OXR1: variants seen among roughly 807,000 people sequenced by gnomAD.
The protein encoded by OXR1 is oxidation resistance protein 1.
In OXR1, 41 loss-of-function variants were observed where a neutral mutation model predicts 104.6. The observed-to-expected ratio is 0.39, with a 90% confidence interval of 0.31 to 0.51. The LOEUF (loss-of-function observed/expected upper bound fraction) is 0.51, where lower values mean the gene tolerates loss of function less well. Among genes scored for constraint, OXR1 ranks in the 20% least tolerant of loss-of-function variants. The pLI, the probability that OXR1 is intolerant of heterozygous loss-of-function variation, is 0.77. For missense variants in OXR1, 955 were observed against 1,031.9 expected (o/e 0.93, Z 1.02); for synonymous variants, 348 against 348.4 (o/e 1.00, Z 0.01).
At position 106,692,863 on chromosome 8, in the gene OXR1, A is replaced by G; in HGVS notation, c.661A>G (p.Ile221Val). ...ATTTCTTAAAATTAATTGCAAATAT[A>G]TTACCAGTGGCAAGGTAAAGAATGA... ...EKFLKINCKYITSGKGTVSGV... is the reference protein window; with the variant it reads ...EKFLKINCKYVTSGKGTVSGV... The change falls in exon 7 of 17, where the codon ATT becomes GTT. Residue 221 changes from isoleucine to valine, a missense_variant. Ile to Val is a conservative substitution (Grantham distance 29). This residue lies in a region of OXR1 where 849 missense variants were observed against 852.9 expected (regional missense o/e 1.00). Transcript: ENST00000517566. 6.2e-7 allele frequency: 1 copy of G among 1,601,802 alleles called. No individual in the cohort carries two copies.
intron 3 of OXR1, among the ~76,000 whole-genome samples, chr8:106,589,693 A>G (rs1296091968): frequency 6.6e-6 from 1 of 151,996 alleles, no homozygotes; most frequent in Non-Finnish European, 1.5e-5. Flanking sequence ...TTTGAGATGG[A>G]GTTTCGCTTG....
intron 7 of OXR1, chr8:106,697,641 A>C: frequency 6.2e-7 from 1 of 1,613,906 alleles, no homozygotes; most frequent in Non-Finnish European, 8.5e-7. Context: ...TCCGCTGCAC[A>C]CAGGCCATGT....
intron 3 of OXR1, among the ~76,000 whole-genome samples, chr8:106,576,794 T>C (rs1817872341): frequency 6.6e-6 from 1 of 152,186 alleles, no homozygotes; most frequent in African/African-American, 2.4e-5. Context: ...ATATTTAGTG[T>C]GCTCATGCTG....
At chr8:106,390,766 C>G (rs1252144309) in intron 2 of OXR1, among the ~76,000 whole-genome samples, 1 of 152,088 alleles carries the variant, frequency 6.6e-6, no homozygotes, top group East Asian at 1.9e-4. Context: ...TTTATAATTT[C>G]TATCCCAGAA....
chr8:106,656,595 T>C (rs1452676953), intron 3 of OXR1, among the ~76,000 whole-genome samples: 1 of 152,164 alleles, frequency 6.6e-6, no homozygotes. Context: ...GGAACAGTTC[T>C]TTCCCAAGCC....
intron 3 of OXR1, among the ~76,000 whole-genome samples, chr8:106,615,442 A>AG (rs1297596696): frequency 6.6e-6 from 1 of 151,706 alleles, no homozygotes; most frequent in Non-Finnish European, 1.5e-5. Context: ...AAAAAAAAAA[A>AG]GAAAAAAAGA....
intron 3 of OXR1, among the ~76,000 whole-genome samples, chr8:106,559,125 T>C (rs1816493234): frequency 6.6e-6 from 1 of 152,214 alleles, no homozygotes; most frequent in Non-Finnish European, 1.5e-5. Flanking sequence ...AAATACCCCA[T>C]TTAATCACTC....
At chr8:106,725,875 T>C (rs1320547544) in intron 11 of OXR1, 1 of 173,930 alleles carries the variant, frequency 5.7e-6, no homozygotes, top group African/African-American at 2.4e-5. Context: ...CTGGAAATTA[T>C]ATTTACTACT....
chr8:106,699,721 T>C (rs1157605400), intron 7 of OXR1, among the ~76,000 whole-genome samples: 3 of 152,256 alleles, frequency 2.0e-5, no homozygotes, highest in East Asian at 1.9e-4. Context: ...TTTTGGAACG[T>C]AATCCCTTGT....
chr8:106,665,064 GAAAGATTAAT>G (rs1282587375), intron 3 of OXR1, among the ~76,000 whole-genome samples: 7 of 152,152 alleles, frequency 4.6e-5, no homozygotes, highest in Non-Finnish European at 8.8e-5. Context: ...AAACATTAAA[GAAAGATTAAT>G]AAAGACAAGA....
chr8:106,682,557 C>T lies in OXR1; in HGVS notation c.304-642C>T, dbSNP rs558366526. 2.3e-3 allele frequency: 351 copies of T among 154,398 alleles called. 2 individuals carry two copies. Among genetic ancestry groups the T allele is most frequent in the African/African-American group, 7.9e-3 (330 of 41,526 alleles). 9.6% of individuals were successfully genotyped at this position (154,398 alleles called of 1,614,324 possible). A position where few individuals can be genotyped will look rare whatever the true frequency, so the allele number is the denominator to read the frequency against. On this transcript the variant is annotated intron_variant, in intron 4 of 16. Coordinates refer to ENST00000517566, the MANE Select transcript of OXR1 (RefSeq NM_001198533.2). ...TGCTGGGATTACAGGTGTGAGCCAC[C>T]GTGCCCGGCCTTCTTTAGAGCGCTC... is the stretch of plus-strand genomic sequence containing the variant.
chr8:106,608,430 T>G (rs1820566926), intron 3 of OXR1, among the ~76,000 whole-genome samples: 1 of 152,196 alleles, frequency 6.6e-6, no homozygotes, highest in Non-Finnish European at 1.5e-5. Flanking sequence ...TGGGTCATCT[T>G]GGTGGTGGTT....
chr8:106,586,857 G>A (rs1818668137), intron 3 of OXR1, among the ~76,000 whole-genome samples: 1 of 152,152 alleles, frequency 6.6e-6, no homozygotes, highest in South Asian at 2.1e-4. Flanking sequence ...GAGGTCATTG[G>A]TGACTTCAGC....
chr8:106,448,866 T>A (rs572833914), intron 2 of OXR1, among the ~76,000 whole-genome samples: 1 of 152,326 alleles, frequency 6.6e-6, no homozygotes, highest in Non-Finnish European at 1.5e-5. Context: ...GTTATTTCTG[T>A]CAGGTATAGA....
At chr8:106,598,304 T>C (rs1439603458) in intron 3 of OXR1, among the ~76,000 whole-genome samples, 1 of 152,190 alleles carries the variant, frequency 6.6e-6, no homozygotes, top group Non-Finnish European at 1.5e-5. Flanking sequence ...TTTAATGTCT[T>C]ATAAGGTATC....
chr8:106,376,544 TAA>T (rs5893786), intron 2 of OXR1, among the ~76,000 whole-genome samples: 11,575 of 152,198 alleles, frequency 0.076, 553 homozygotes, highest in Middle Eastern at 0.13. Flanking sequence ...ATGAGAAAAA[TAA>T]AGATAGTTAT....
At chr8:106,628,254 A>C (rs1216367320) in intron 3 of OXR1, among the ~76,000 whole-genome samples, 1 of 152,202 alleles carries the variant, frequency 6.6e-6, no homozygotes, top group Non-Finnish European at 1.5e-5. Flanking sequence ...GTTCGATGAT[A>C]AAATATATAG....
chr8:106,603,182 G>A (rs144163856), intron 3 of OXR1, among the ~76,000 whole-genome samples: 175 of 152,220 alleles, frequency 1.1e-3, no homozygotes, highest in Non-Finnish European at 2.0e-3. Flanking sequence ...TTTGACATGC[G>A]TATGACTGGA....
intron 3 of OXR1, among the ~76,000 whole-genome samples, chr8:106,537,407 G>C (rs182196407): frequency 2.7e-4 from 41 of 152,228 alleles, no homozygotes; most frequent in African/African-American, 8.4e-4. Flanking sequence ...GCAAAATGCC[G>C]TAAGAGTTTA....
Sources: allele counts gnomAD v4.1 joint callset (sites outside exome capture counted in the v4.1 genomes callset), GRCh38; gene constraint gnomAD v4.1.1; regional missense constraint gnomAD v4.1.1; transcripts MANE v1.5; gene names NCBI Gene and HGNC (gene_info 2026-07-23, HGNC 2026-07-21).